BMP6: variants seen among roughly 807,000 people sequenced by gnomAD.
BMP6 encodes VG-1-R.
A neutral mutation model predicts 54.1 loss-of-function variants in BMP6; 17 were observed. The ratio of observed to expected loss-of-function variants is 0.31; its 90% CI spans 0.22 to 0.47. The LOEUF is 0.47. Among genes scored for constraint, BMP6 ranks in the 20% least tolerant of loss-of-function variants. The pLI is 1.00. For missense variants in BMP6, 720 were observed against 690.4 expected (o/e 1.04, Z -0.48); for synonymous variants, 328 against 291.2 (o/e 1.13, Z -1.28).
At chr6:7,858,585 G>C (rs1759284779) in intron 2 of BMP6, among the ~76,000 whole-genome samples, 1 of 151,956 alleles carries the variant, frequency 6.6e-6, no homozygotes, top group Non-Finnish European at 1.5e-5. Context: ...CCTGGGCCCT[G>C]ATTAAATTCC....
chr6:7,869,159 G>A (rs1033127272), intron 4 of BMP6, among the ~76,000 whole-genome samples: 18 of 152,188 alleles, frequency 1.2e-4, no homozygotes, highest in African/African-American at 4.3e-4. Context: ...CCAGCCCCGC[G>A]GTGCAGCCTC....
At chr6:7,783,039 A>T (rs1305525470) in intron 1 of BMP6, among the ~76,000 whole-genome samples, 1 of 152,226 alleles carries the variant, frequency 6.6e-6, no homozygotes, top group South Asian at 2.1e-4. Context: ...GGGTCAGAGT[A>T]AAAATAAGAG....
At chr6:7,778,578 G>A (rs2113165023) in intron 1 of BMP6, among the ~76,000 whole-genome samples, 1 of 152,238 alleles carries the variant, frequency 6.6e-6, no homozygotes, top group Middle Eastern at 3.4e-3. Flanking sequence ...TTTCTGTGGT[G>A]GTAAACTTTG....
intron 1 of BMP6, among the ~76,000 whole-genome samples, chr6:7,768,528 T>C (rs974243389): frequency 2.0e-5 from 3 of 152,182 alleles, no homozygotes; most frequent in African/African-American, 7.2e-5. Context: ...TGTCTTCTGG[T>C]ATTTGCCACC....
Position 7,795,343 on chromosome 6 carries a change from A to C in BMP6, c.665-49797A>C, listed in dbSNP as rs141242574. ...TTTTGAAGGACAGAGTCAAGTCCTA[A>C]GAAGAAGGAATTGGCCTGGGAAGAT... On this transcript the variant is annotated intron_variant, in intron 1 of 6. Coordinates refer to ENST00000283147, the MANE Select transcript of BMP6 (RefSeq NM_001718.6). Among the ~76,000 whole-genome samples, 791 of 152,296 alleles carry C rather than the reference A, an allele frequency of 5.2e-3. 5 individuals carry two copies. The highest frequency in any genetic ancestry group is 0.018 in the African/African-American group (756 of 41,548).
chr6:7,846,732 A>G (rs1350369413), intron 2 of BMP6, among the ~76,000 whole-genome samples: 1 of 152,206 alleles, frequency 6.6e-6, no homozygotes, highest in Non-Finnish European at 1.5e-5. Context: ...CAGTGGCTAT[A>G]CTACTGAGGG....
At chr6:7,853,332 G>A (rs1308756106) in intron 2 of BMP6, among the ~76,000 whole-genome samples, 3 of 152,100 alleles carry the variant, frequency 2.0e-5, no homozygotes, top group African/African-American at 4.8e-5. Context: ...AATGAATCCC[G>A]ACAAATGTTG....
chr6:7,868,706 G>A (rs992897816), intron 4 of BMP6, among the ~76,000 whole-genome samples: 13 of 152,262 alleles, frequency 8.5e-5, no homozygotes, highest in Non-Finnish European at 1.5e-4. Flanking sequence ...GGAGCATGCC[G>A]CTTTGTCCAG....
intron 1 of BMP6, among the ~76,000 whole-genome samples, chr6:7,759,696 C>CTTCT (rs1757580617): frequency 4.8e-5 from 3 of 62,152 alleles, no homozygotes; most frequent in Admixed American, 2.7e-4. Context: ...CTTTCTTCTT[C>CTTCT]TTTTTTTTTT....
intron 1 of BMP6, among the ~76,000 whole-genome samples, chr6:7,813,873 C>A (rs1758483569): frequency 6.6e-6 from 1 of 152,178 alleles, no homozygotes; most frequent in African/African-American, 2.4e-5. Flanking sequence ...CTGATTTCCT[C>A]TACGGAGGGA....
At chr6:7,751,601 A>G (rs888717246) in intron 1 of BMP6, among the ~76,000 whole-genome samples, 1 of 152,326 alleles carries the variant, frequency 6.6e-6, no homozygotes, top group South Asian at 2.1e-4. Flanking sequence ...TCTGGATTAC[A>G]CAGAAACATC....
At chr6:7,795,881 C>G (rs1758183540) in intron 1 of BMP6, among the ~76,000 whole-genome samples, 1 of 152,022 alleles carries the variant, frequency 6.6e-6, no homozygotes, top group Non-Finnish European at 1.5e-5. Flanking sequence ...GGAGGCGCCT[C>G]TAAATGAGAG....
At chr6:7,842,345 G>A (rs1007056502) in intron 1 of BMP6, among the ~76,000 whole-genome samples, 3 of 152,082 alleles carry the variant, frequency 2.0e-5, no homozygotes, top group African/African-American at 7.2e-5. Context: ...GAGGTGCTTG[G>A]GGACAGGCTG....
intron 2 of BMP6, among the ~76,000 whole-genome samples, chr6:7,856,538 CTGAG>C (rs932926754): frequency 2.0e-5 from 3 of 150,266 alleles, no homozygotes; most frequent in Non-Finnish European, 4.4e-5. Context: ...AATCACCTTA[CTGAG>C]TATTTCATAA....
intron 1 of BMP6, among the ~76,000 whole-genome samples, chr6:7,793,030 G>A (rs896911567): frequency 6.6e-6 from 1 of 152,058 alleles, no homozygotes; most frequent in Admixed American, 6.5e-5. Context: ...TTATAAATTG[G>A]TTTGTCTCAC....
intron 1 of BMP6, among the ~76,000 whole-genome samples, chr6:7,754,672 C>T (rs1757484730): frequency 6.6e-6 from 1 of 152,162 alleles, no homozygotes; most frequent in African/African-American, 2.4e-5. Flanking sequence ...CTCTAGCTTT[C>T]TTTTCATTTG....
At chr6:7,736,467 A>G (rs952677278) in intron 1 of BMP6, among the ~76,000 whole-genome samples, 11 of 152,246 alleles carry the variant, frequency 7.2e-5, no homozygotes, top group African/African-American at 2.7e-4. Flanking sequence ...AAAATATCGT[A>G]CTGGCCCTAA....
intron 1 of BMP6, among the ~76,000 whole-genome samples, chr6:7,731,661 A>G (rs1761861336): frequency 6.6e-6 from 1 of 152,188 alleles, no homozygotes; most frequent in African/African-American, 2.4e-5. Flanking sequence ...GATTTGGAAG[A>G]TTTGATTATT....
At position 7,845,457 on chromosome 6, in the gene BMP6, A is replaced by T. The variant is rs73719347; in HGVS notation, c.857+125A>T. Reference sequence around the variant, plus strand: ...AGTTCAGGGGCAGCATGTGAGTACGATGAGGTGGGTGTTGTAAATGGGAGT... The same window carrying T: ...AGTTCAGGGGCAGCATGTGAGTACGTTGAGGTGGGTGTTGTAAATGGGAGT... On this transcript the variant is annotated intron_variant, in intron 2 of 6. Transcript: ENST00000283147. 2.1e-3 allele frequency: 1,655 copies of T among 802,904 alleles called. 35 individuals carry two copies. The African/African-American group carries it at 0.026, about 12-fold the overall frequency. 49.7% of individuals were successfully genotyped at this position (802,904 alleles called of 1,614,324 possible).
Sources: gnomAD v4.1 joint callset for allele counts (sites outside exome capture counted in the v4.1 genomes callset) on GRCh38, gnomAD v4.1.1 for gene constraint, MANE v1.5 for transcripts, NCBI Gene and HGNC (gene_info 2026-07-23, HGNC 2026-07-21) for gene names.